PPP6R1: variants seen among roughly 807,000 people sequenced by gnomAD.
PPP6R1 encodes serine/threonine-protein phosphatase 6 regulatory subunit 1.
In PPP6R1, 39 loss-of-function variants were observed where a neutral mutation model predicts 104.6. The observed-to-expected ratio is 0.37, with a 90% CI of 0.29 to 0.49. The LOEUF is 0.49. Among genes scored for constraint, PPP6R1 ranks in the 20% least tolerant of loss-of-function variants. The pLI is 0.98. For synonymous variants in PPP6R1, 549 were observed against 479.0 expected, an observed-to-expected ratio of 1.15 and a Z score of -1.91; for missense variants, 1,181 against 1,155.8, an observed-to-expected ratio of 1.02 and a Z score of -0.32.
At position 55,245,767 on chromosome 19, in the gene PPP6R1, A is replaced by G. The variant is rs2087503071; in HGVS notation, c.228-89T>C. ...CTCCACCCTCTTCTCTGCACCGGGC[A>G]CTGGGTTTCTGGGAACTGCAGAGAC... On this transcript the variant is annotated intron_variant, in intron 2 of 23. Coordinates refer to ENST00000412770, the MANE Select transcript of PPP6R1 (RefSeq NM_014931.4). This position sits in a 1 kb window ranked among gnomAD's most constrained non-coding sequence, Gnocchi z 6.4. The G allele has an allele frequency of 8.8e-6, 10 of 1,137,940 alleles. No individual in the cohort carries two copies. In the Admixed American group the frequency reaches 2.1e-4, roughly 24 times the overall value. 70.5% of individuals were successfully genotyped at this position (1,137,940 alleles called of 1,614,324 possible). A position where few individuals can be genotyped will look rare whatever the true frequency, so the allele number is the denominator to read the frequency against.
In PPP6R1 at chr19:55,236,543, T is replaced by C. The variant is rs1011122404; in HGVS notation, c.1988+100A>G. On this transcript the variant is annotated intron_variant, in intron 17 of 23. Transcript: ENST00000412770. ...CACACACCAATGCAGGTTCCTTATT[T>C]TCTTCATTCACTTCAGCCTCAGTCC... is the stretch of plus-strand genomic sequence containing the variant. 6.1e-6 allele frequency: 8 copies of C among 1,313,486 alleles called. No homozygotes were observed. The African/African-American group carries it at 1.0e-4, about 17-fold the overall frequency. The allele number at this position is 1,313,486 out of a possible 1,614,324, so 81.4% of individuals were successfully genotyped here.
At position 55,239,631 on chromosome 19, in the gene PPP6R1, T is replaced by C; in HGVS notation, c.1616A>G (p.Lys539Arg). 1.2e-6 allele frequency: 2 copies of C among 1,612,158 alleles called. No individual in the cohort carries two copies. The highest frequency in any genetic ancestry group is 4.5e-5 in the East Asian group (2 of 44,840). Residue 539 changes from lysine to arginine, a missense_variant, in exon 14 of 24, where the codon AAG becomes AGG. Physicochemically the swap from Lys to Arg is conservative, Grantham distance 26. Coordinates refer to ENST00000412770, the MANE Select transcript of PPP6R1 (RefSeq NM_014931.4). ...AGCCTCCTCAGGGAAGTTGAACTCCTTGAGCCGGTCGTCCTCATCGTCACT... is the reference window on the plus strand; with the variant it reads ...AGCCTCCTCAGGGAAGTTGAACTCCCTGAGCCGGTCGTCCTCATCGTCACT... ...SSSDDEDDRL[K>R]EFNFPEEAVL...
rs746540134 is a variant in PPP6R1 at position 55,242,229 on chromosome 19, C to T, written c.782G>A (p.Ser261Asn). 6.2e-7 allele frequency: 1 copy of T among 1,613,946 alleles called. No individual in the cohort carries two copies. The change falls in exon 7 of 24, where the codon AGC becomes AAC. Residue 261 changes from serine to asparagine, a missense_variant. This residue lies in a region of PPP6R1 where 1,042 missense variants were observed against 955.6 expected (regional missense o/e 1.09). Coordinates refer to ENST00000412770, the MANE Select transcript of PPP6R1 (RefSeq NM_014931.4). ...LLSNMFEGEQ[S>N]QSVIVSGIQV... ...GATCCCACTGACGATGACAGACTGG[C>T]TCTGCTCCCCCTCGAACATGTTGCT...
chr19:55,250,766 C>T (rs895434928), intron 1 of PPP6R1, among the ~76,000 whole-genome samples: 1 of 152,134 alleles, frequency 6.6e-6, no homozygotes, highest in Non-Finnish European at 1.5e-5. Flanking sequence ...CCAGGCACCG[C>T]TGACCTCCCC....
Position 55,249,534 on chromosome 19 carries a change from C to T in PPP6R1, c.-6-2425G>A, listed in dbSNP as rs115454484. Among the ~76,000 whole-genome samples the T allele has an allele frequency of 3.6e-3, 544 of 152,172 alleles. 3 individuals are homozygous for T. The highest frequency in any genetic ancestry group is 0.013 in the African/African-American group (523 of 41,580). Reference sequence around the variant, plus strand: ...GGGATTACAGGCATGAGCCACCATGCCCAGACTCCCAATATTCCTTCTAAG... The same window carrying T: ...GGGATTACAGGCATGAGCCACCATGTCCAGACTCCCAATATTCCTTCTAAG... On this transcript the variant is annotated intron_variant, in intron 1 of 23. Transcript: ENST00000412770.
chr19:55,228,886 A>T, downstream of PPP6R1: 3 of 825,310 alleles, frequency 3.6e-6, no homozygotes, highest in Non-Finnish European at 5.9e-6. Flanking sequence ...TGTTGTCCTC[A>T]CCCTGGGGAT....
chr19:55,239,244 G>GACAC, intron 15 of PPP6R1, 161 bp downstream of exon 15: 1 of 662,818 alleles, frequency 1.5e-6, no homozygotes. Flanking sequence ...CGAGGCTGCA[G>GACAC]ACACACACAC....
chr19:55,245,495 G>T lies in PPP6R1; in HGVS notation c.411C>A (p.Asp137Glu), dbSNP rs1367859994. 6.2e-7 allele frequency: 1 copy of T among 1,609,862 alleles called. No homozygotes were observed. The highest frequency in any genetic ancestry group is 8.5e-7 in the Non-Finnish European group (1 of 1,178,170). ...GCCAGGGTGGGGGCCAGGGCACCTG[G>T]TCTGTCTTGCGGTTGATGAGGATGC... ...VMGILINRKT[D>E]QLVSFLRKKD... Residue 137 changes from aspartate (D) to glutamate (E), a missense_variant, in exon 3 of 24, where the codon GAC becomes GAA. Transcript: ENST00000412770. This position sits in a 1 kb window ranked among gnomAD's most constrained non-coding sequence, Gnocchi z 6.4.
In PPP6R1 at chr19:55,237,001, G is replaced by T. The variant is rs1164638775; in HGVS notation, c.1752-31C>A. 4.4e-6 allele frequency: 7 copies of T among 1,575,116 alleles called. 1 individual carries two copies. In the Admixed American group the frequency reaches 1.2e-4, roughly 26 times the overall value. ...AGAGAAGGCAAGGCATGGTGAGAAG[G>T]TCCACCTGGGGGTGGGGGCAGCACA... On this transcript the variant is annotated intron_variant, in intron 15 of 23. Transcript: ENST00000412770.
intron 15 of PPP6R1, chr19:55,238,753 C>A (rs1272356001): frequency 6.6e-6 from 1 of 152,256 alleles, no homozygotes; most frequent in African/African-American, 2.4e-5. Flanking sequence ...GCCTCGGCCT[C>A]CCAAAGTACT....
rs369367961 is a variant in PPP6R1, at chr19:55,241,482, G to A, written c.1003C>T (p.Pro335Ser). 1.5e-5 allele frequency: 24 copies of A among 1,602,732 alleles called. No individual in the cohort carries two copies. Among genetic ancestry groups the A allele is most frequent in the East Asian group, 4.5e-5 (2 of 44,458 alleles). Reference sequence around the variant, plus strand: ...CCAGAACCCACACCCCTGACCTTGGGAGGCTCCAGCAGGAGCTGGTGGAAG... The same window carrying A: ...CCAGAACCCACACCCCTGACCTTGGAAGGCTCCAGCAGGAGCTGGTGGAAG... ...SCFHQLLLEP[P>S]KLEPLQMTWG... is the part of the protein sequence containing the mutation. Residue 335 changes from proline to serine, a missense_variant, in exon 8 of 24, where the codon CCC becomes TCC. By Grantham distance (74) the Pro-to-Ser change is moderately conservative (BLOSUM62 -1). Coordinates refer to ENST00000412770, the MANE Select transcript of PPP6R1 (RefSeq NM_014931.4). This position sits in a 1 kb window ranked among gnomAD's most constrained non-coding sequence, Gnocchi z 5.4.
At chr19:55,244,483 G>A (rs1030990603) in intron 5 of PPP6R1, among the ~76,000 whole-genome samples, 6 of 152,208 alleles carry the variant, frequency 3.9e-5, no homozygotes, top group Non-Finnish European at 5.9e-5. Flanking sequence ...TCAGGCAGGA[G>A]ACAGGGAAAA....
chr19:55,242,845 G>A (rs1320868307), intron 5 of PPP6R1, among the ~76,000 whole-genome samples: 1 of 152,208 alleles, frequency 6.6e-6, no homozygotes, highest in African/African-American at 2.4e-5. Context: ...GAAAAGGAGT[G>A]AAACTGATAC....
At chr19:55,228,850 G>A, downstream of PPP6R1, 1 of 1,142,092 alleles carries the variant, frequency 8.8e-7, no homozygotes, top group Admixed American at 2.0e-5. Flanking sequence ...TGTGGACTCT[G>A]TGACTGATAA....
chr19:55,230,717 A>G, intron 22 of PPP6R1, 33 bp from the exon 23 acceptor site: 1 of 1,525,678 alleles, frequency 6.6e-7, no homozygotes, highest in Non-Finnish European at 8.8e-7. Context: ...TGCAGAGGTC[A>G]CTTCCTGCCC....
At chr19:55,248,958 T>TGCAGTCCAGACCTTGCTC (rs1201722981) in intron 1 of PPP6R1, among the ~76,000 whole-genome samples, 3 of 152,198 alleles carry the variant, frequency 2.0e-5, no homozygotes, top group Non-Finnish European at 4.4e-5. Flanking sequence ...CACAGAAGGT[T>TGCAGTCCAGACCTTGCTC]GCAGTCCAGA....
intron 1 of PPP6R1, 167 bp from the exon 2 acceptor site, chr19:55,247,276 C>T (rs539591399): frequency 3.0e-6 from 2 of 664,438 alleles, no homozygotes; most frequent in South Asian, 1.9e-5. Flanking sequence ...TGCCCGCAGG[C>T]TCACTGCCTC....
rs371371907 is a variant in PPP6R1 at position 55,241,524 on chromosome 19, G to A, written c.961C>T (p.Arg321Cys). ...TGGTGGAAGCAGCTGAGCCGCGGGC[G>A]TAGGGCGTGCAAGGCGCCCACACTG... Reference protein sequence around the residue: ...VSSVGALHALRPRLSCFHQLL... With the variant: ...VSSVGALHALCPRLSCFHQLL... The change falls in exon 8 of 24, where the codon CGC becomes TGC. Residue 321 changes from arginine to cysteine, a missense_variant. Arg to Cys is a radical substitution (Grantham distance 180). Around this residue, in one of 2 missense-constraint regions of PPP6R1, gnomAD observed 1,042 missense variants for 955.6 expected, o/e 1.09. Transcript: ENST00000412770. This position sits in a 1 kb window ranked among gnomAD's most constrained non-coding sequence, Gnocchi z 5.4. 39 of 1,585,430 alleles carry A rather than the reference G, an allele frequency of 2.5e-5. No individual in the cohort carries two copies. Among genetic ancestry groups the A allele is most frequent in the East Asian group, 1.6e-4 (7 of 43,030 alleles).
chr19:55,230,567 C>G (rs1159170912), intron 23 of PPP6R1, 36 bp from the exon 24 acceptor site: 29 of 1,613,344 alleles, frequency 1.8e-5, no homozygotes, highest in Non-Finnish European at 2.4e-5. Context: ...GAGGGTCTAG[C>G]AGGCCCAGCC....
Sources: allele counts gnomAD v4.1 joint callset (sites outside exome capture counted in the v4.1 genomes callset), GRCh38; gene constraint gnomAD v4.1.1; regional missense constraint gnomAD v4.1.1; non-coding constraint Gnocchi (gnomAD v3.1); transcripts MANE v1.5; gene names NCBI Gene and HGNC (gene_info 2026-07-23, HGNC 2026-07-21).